The following CERK variants were observed in gnomAD, a reference collection of about 807,000 sequenced individuals.
CERK encodes the protein acylsphingosine kinase.
Under a neutral mutation model 63.4 loss-of-function variants are expected in CERK, and 39 were observed. The observed-to-expected ratio is 0.61, with a 90% CI of 0.48 to 0.80. The LOEUF is 0.80. CERK is among the 30% of genes least tolerant of loss of function. The pLI is 0.00. For missense variants in CERK, 670 were observed against 714.1 expected, an observed-to-expected ratio of 0.94 and a Z score of 0.70; for synonymous variants, 302 against 280.0, an observed-to-expected ratio of 1.08 and a Z score of -0.78.
In CERK at chr22:46,708,377, C is replaced by T. The variant is rs1302234712; in HGVS notation, c.570-389G>A. ...AGCAGAGAGGGTGCACTCCAGGTGA[C>T]CCGCACTGCGGGAGAGGCACAGCAG... On this transcript the variant is annotated intron_variant, in intron 5 of 12. Transcript: ENST00000216264. Among the ~76,000 whole-genome samples, 5 of 152,364 alleles carry T rather than the reference C, an allele frequency of 3.3e-5. No individual in the cohort carries two copies. The East Asian group carries it at 5.8e-4, about 18-fold the overall frequency.
chr22:46,709,476 A>T (rs1222228706), intron 5 of CERK, among the ~76,000 whole-genome samples: 1 of 152,150 alleles, frequency 6.6e-6, no homozygotes, highest in Admixed American at 6.5e-5. Flanking sequence ...GAGCCCATGA[A>T]CAGAACACTC....
chr22:46,717,884 C>T (rs6007958), intron 3 of CERK, among the ~76,000 whole-genome samples: 20,638 of 152,150 alleles, frequency 0.14, 1,835 homozygotes, highest in African/African-American at 0.25. Context: ...AGTTCGAGAC[C>T]AGTCTGGCCA....
intron 11 of CERK, among the ~76,000 whole-genome samples, chr22:46,690,624 T>G (rs2082725682): frequency 6.6e-6 from 1 of 152,218 alleles, no homozygotes; most frequent in Non-Finnish European, 1.5e-5. Context: ...AAAATAGCAT[T>G]AGACTAGATC....
chr22:46,712,659 G>A (rs2082847314), intron 3 of CERK, among the ~76,000 whole-genome samples: 1 of 152,114 alleles, frequency 6.6e-6, no homozygotes, highest in South Asian at 2.1e-4. Flanking sequence ...ACAGCAGGAA[G>A]AAGGAAGCAG....
At chr22:46,715,890 A>C (rs2082863761) in intron 3 of CERK, among the ~76,000 whole-genome samples, 1 of 152,150 alleles carries the variant, frequency 6.6e-6, no homozygotes, top group Non-Finnish European at 1.5e-5. Flanking sequence ...AAGTTTTTTA[A>C]AATCATAAAA....
chr22:46,726,036 G>A (rs1206854310), intron 1 of CERK, among the ~76,000 whole-genome samples: 3 of 152,244 alleles, frequency 2.0e-5, no homozygotes, highest in Non-Finnish European at 2.9e-5. Flanking sequence ...TGAGCCACGC[G>A]CAGTGGCCTC....
intron 10 of CERK, among the ~76,000 whole-genome samples, chr22:46,692,064 T>G (rs2082734353): frequency 6.6e-6 from 1 of 152,176 alleles, no homozygotes; most frequent in African/African-American, 2.4e-5. Flanking sequence ...ACCAAGGCTG[T>G]GTGTCAGATC....
In CERK at chr22:46,701,699, A is replaced by C; in HGVS notation, c.727T>G (p.Cys243Gly). The change falls in exon 7 of 13, where the codon TGC (cysteine) becomes GGC (glycine). Residue 243 changes from cysteine to glycine, a missense_variant. Physicochemically the swap from Cys to Gly is radical, Grantham distance 159. Transcript: ENST00000216264. ...IGIIPAGSTD[C>G]VCYSTVGTSD... ...GTGCCCACGGTGGAGTAACACACGC[A>C]GTCCGTTGACCCTGTAAAGGGAAAA... 6.4e-7 allele frequency: 1 copy of C among 1,556,616 alleles called. No homozygotes were observed. Among genetic ancestry groups the C allele is most frequent in the Non-Finnish European group, 8.7e-7 (1 of 1,149,810 alleles).
chr22:46,713,270 C>T (rs775493719), intron 3 of CERK, among the ~76,000 whole-genome samples: 5 of 151,628 alleles, frequency 3.3e-5, no homozygotes, highest in Admixed American at 6.6e-5. Context: ...TTTGGGAGGC[C>T]GAGGTGGGCG....
chr22:46,718,288 A>G (rs2082875852), intron 3 of CERK, among the ~76,000 whole-genome samples: 1 of 152,200 alleles, frequency 6.6e-6, no homozygotes, highest in Non-Finnish European at 1.5e-5. Context: ...CTGCACCTAT[A>G]GGATCAGGTC....
In CERK at chr22:46,714,749, T is replaced by C. The variant is rs1471085981; in HGVS notation, c.380-2456A>G. Among the ~76,000 whole-genome samples the C allele has an allele frequency of 2.6e-5, 4 of 152,148 alleles. No homozygotes were observed. The highest frequency in any genetic ancestry group is 1.3e-4 in the Admixed American group (2 of 15,276). ...GAGAACAGAAAAAAACAAACACGTA[T>C]GAACTCTTTGTATGACACACCACTG... On this transcript the variant is annotated intron_variant, in intron 3 of 12. Coordinates refer to ENST00000216264, the MANE Select transcript of CERK (RefSeq NM_022766.6). The surrounding 1 kb of genome is among the most constrained non-coding windows in gnomAD (Gnocchi z 4.4).
intron 9 of CERK, chr22:46,693,767 G>T (rs746949652): frequency 4.1e-5 from 17 of 417,526 alleles, no homozygotes; most frequent in Non-Finnish European, 6.3e-5. Flanking sequence ...ACCTGGAGAC[G>T]GTTTCTGCCT....
chr22:46,723,709 CTT>C (rs554068766), intron 1 of CERK, among the ~76,000 whole-genome samples: 1 of 147,248 alleles, frequency 6.8e-6, no homozygotes. Context: ...GGGTTTTCTT[CTT>C]TTTTTTTTGT....
chr22:46,716,890 G>A (rs556059179), intron 3 of CERK, among the ~76,000 whole-genome samples: 76 of 151,738 alleles, frequency 5.0e-4, no homozygotes, highest in African/African-American at 1.8e-3. Flanking sequence ...AGCCAGGATC[G>A]CGCAACTGCC....
intron 1 of CERK, 39 bp downstream of exon 1, chr22:46,737,968 G>A: frequency 8.7e-7 from 1 of 1,150,906 alleles, no homozygotes; most frequent in Non-Finnish European, 1.1e-6. Context: ...CCCGCTCCCT[G>A]GCCAGGTCCG....
chr22:46,700,898 C>T (rs1370029512), intron 7 of CERK, among the ~76,000 whole-genome samples: 3 of 151,822 alleles, frequency 2.0e-5, no homozygotes, highest in African/African-American at 7.3e-5. Flanking sequence ...GTAATCCCAG[C>T]TACTCTAGAG....
chr22:46,717,103 G>A (rs8135338), intron 3 of CERK, among the ~76,000 whole-genome samples: 4,701 of 152,264 alleles, frequency 0.031, 249 homozygotes, highest in African/African-American at 0.11. Context: ...ATTAGGGAGT[G>A]CAAACTACAA....
In CERK at chr22:46,721,012, G is replaced by A; in HGVS notation, c.146C>T (p.Ala49Val). The A allele has an allele frequency of 6.2e-7, 1 of 1,604,676 alleles. No individual in the cohort carries two copies. Among genetic ancestry groups the A allele is most frequent in the Non-Finnish European group, 8.5e-7 (1 of 1,171,596 alleles). Residue 49 changes from alanine (A) to valine (V), a missense_variant, in exon 2 of 13, where the codon GCC becomes GTC. Ala to Val is a moderately conservative substitution (Grantham distance 64, BLOSUM62 0). Transcript: ENST00000216264. ...GPGAGAPGAD[A>V]CSVPVSEIIA... is the part of the protein sequence containing the mutation. ...GATCTCAGATACAGGCACAGAGCAG[G>A]CATCTGTAAAAACACCACGTCCTTC...
At chr22:46,730,112 C>G (rs970352366) in intron 1 of CERK, among the ~76,000 whole-genome samples, 1 of 152,086 alleles carries the variant, frequency 6.6e-6, no homozygotes, top group African/African-American at 2.4e-5. Context: ...CACAGTTGAA[C>G]ATACTTGAAG....
Sources: gnomAD v4.1 joint callset for allele counts (sites outside exome capture counted in the v4.1 genomes callset) on GRCh38, gnomAD v4.1.1 for gene constraint, Gnocchi (gnomAD v3.1) non-coding constraint, MANE v1.5 for transcripts, NCBI Gene and HGNC (gene_info 2026-07-23, HGNC 2026-07-21) for gene names.